The following GIT2 variants were observed in gnomAD, a reference collection of about 807,000 sequenced individuals.
GIT2 encodes GIT ArfGAP 2.
A neutral mutation model predicts 100.3 loss-of-function variants in GIT2; 32 were observed. That is an observed-to-expected ratio of 0.32 (90% CI 0.24 to 0.43). GIT2 has a LOEUF of 0.43. Among genes scored for constraint, GIT2 ranks in the 20% least tolerant of loss-of-function variants. GIT2 has a pLI of 1.00. For missense variants in GIT2, 737 were observed against 975.1 expected (o/e 0.76, Z 3.25); for synonymous variants, 353 against 364.1 (o/e 0.97, Z 0.35).
Position 109,989,077 on chromosome 12 carries a change from A to G in GIT2, c.300-9T>C. On this transcript the variant is annotated splice_polypyrimidine_tract_variant and intron_variant, in intron 3 of 19. Coordinates refer to ENST00000355312, the MANE Select transcript of GIT2 (RefSeq NM_057169.5). Reference sequence around the variant, plus strand: ...ATTCCGCTTTATTGGGACTGGTTCAAAAACAAAAAAGAAAACAGTTCACTC... The same window carrying G: ...ATTCCGCTTTATTGGGACTGGTTCAGAAACAAAAAAGAAAACAGTTCACTC... 1 of 1,546,462 alleles carries G rather than the reference A, an allele frequency of 6.5e-7. No individual in the cohort carries two copies. Among genetic ancestry groups the G allele is most frequent in the Non-Finnish European group, 8.9e-7 (1 of 1,118,342 alleles).
intron 7 of GIT2, among the ~76,000 whole-genome samples, chr12:109,980,620 A>C (rs1886133693): frequency 6.6e-6 from 1 of 152,138 alleles, no homozygotes; most frequent in African/African-American, 2.4e-5. Flanking sequence ...AAATAACTAC[A>C]AAGGTTATTG....
chr12:109,943,824 T>A (rs1875502697), intron 16 of GIT2, among the ~76,000 whole-genome samples: 1 of 152,006 alleles, frequency 6.6e-6, no homozygotes, highest in Non-Finnish European at 1.5e-5. Context: ...CCCAAGCACC[T>A]GGGACTACAG....
chr12:109,949,081 C>T lies in GIT2; in HGVS notation c.1393-1577G>A, dbSNP rs1420255772. Reference sequence around the variant, plus strand: ...CAAGCCATTACAGAATGATAGAATGCTTTTATATCACAAAGGCTGGCAGGG... The same window carrying T: ...CAAGCCATTACAGAATGATAGAATGTTTTTATATCACAAAGGCTGGCAGGG... On this transcript the variant is annotated intron_variant, in intron 14 of 19. Coordinates refer to ENST00000355312, the MANE Select transcript of GIT2 (RefSeq NM_057169.5). The T allele has an allele frequency of 4.2e-5, 23 of 543,066 alleles. No homozygotes were observed. The East Asian group carries it at 7.1e-4, about 17-fold the overall frequency. The allele number at this position is 543,066 out of a possible 1,614,324, so 33.6% of individuals were successfully genotyped here. A position where few individuals can be genotyped will look rare whatever the true frequency, so the allele number is the denominator to read the frequency against.
chr12:109,966,508 C>CAAAAAAAAAAA (rs749586402), intron 8 of GIT2, among the ~76,000 whole-genome samples: 6 of 70,188 alleles, frequency 8.5e-5, no homozygotes, highest in South Asian at 5.9e-4. Flanking sequence ...GACTCTGTCT[C>CAAAAAAAAAAA]AAAAAAAAAA....
At position 109,965,558 on chromosome 12, in the gene GIT2, A is replaced by G. The variant is rs570446364; in HGVS notation, c.784T>C (p.Leu262=). ...AGTTTCTTCTTAGCAGCTTTTGCCA[A>G]TTCAGACAAATCCAGGCTGCTAAGA... ...MADSSLDLSE[L]AKAAKKKLQS... Residue 262 remains leucine, a synonymous_variant, in exon 9 of 20, where the codon TTG becomes CTG. Transcript: ENST00000355312. The G allele has an allele frequency of 3.7e-5, 59 of 1,598,052 alleles. No homozygotes were observed. The South Asian group carries it at 5.3e-4, about 14-fold the overall frequency.
At chr12:109,978,040 G>C (rs1406585139) in intron 7 of GIT2, among the ~76,000 whole-genome samples, 1 of 143,498 alleles carries the variant, frequency 7.0e-6, no homozygotes, top group African/African-American at 2.6e-5. Context: ...TAAGTTTCTT[G>C]AATCTGTAAG....
rs1876775834 is a variant in GIT2, at chr12:109,947,893, C to G, written c.1393-389G>C. The G allele has an allele frequency of 5.7e-6, 1 of 174,236 alleles. No homozygotes were observed. The highest frequency in any genetic ancestry group is 1.3e-4 in the South Asian group (1 of 7,464). The allele number at this position is 174,236 out of a possible 1,614,324, so 10.8% of individuals were successfully genotyped here. On this transcript the variant is annotated intron_variant, in intron 14 of 19. Coordinates refer to ENST00000355312, the MANE Select transcript of GIT2 (RefSeq NM_057169.5). This position sits in a 1 kb window ranked among gnomAD's most constrained non-coding sequence, Gnocchi z 4.3. ...GATCATTAAAACATCATTTAGGTAA[C>G]TTGCTTTTCAAATGAGCCCTGAGCA...
chr12:109,966,300 G>A (rs1882373221), intron 8 of GIT2, among the ~76,000 whole-genome samples: 2 of 150,394 alleles, frequency 1.3e-5, no homozygotes, highest in African/African-American at 2.4e-5. Flanking sequence ...GCGAGGTCAG[G>A]GGTTTGAGAC....
At chr12:109,986,199 C>T (rs770928058) in intron 4 of GIT2, among the ~76,000 whole-genome samples, 4 of 151,962 alleles carry the variant, frequency 2.6e-5, no homozygotes, top group Admixed American at 6.5e-5. Context: ...TCTGTGAAGC[C>T]AACATCAGCC....
In GIT2 at chr12:109,933,062, C is replaced by T. The variant is rs750638470; in HGVS notation, c.2196G>A (p.Thr732=). The change falls in exon 20 of 20, where the codon ACG becomes ACA. Residue 732 remains threonine, a synonymous_variant. Coordinates refer to ENST00000355312, the MANE Select transcript of GIT2 (RefSeq NM_057169.5). The surrounding 1 kb of genome is among the most constrained non-coding windows in gnomAD (Gnocchi z 4.5). ...CGTACGCACACTGGATGACCTGCTGCGTGACCAGCTGAACGTCTGTGGGTG... is the reference window on the plus strand; with the variant it reads ...CGTACGCACACTGGATGACCTGCTGTGTGACCAGCTGAACGTCTGTGGGTG... The part of the protein sequence containing the change: ...PGSPTDVQLV[T]QQVIQCAYDI... 12 of 1,613,492 alleles carry T rather than the reference C, an allele frequency of 7.4e-6. No homozygotes were observed. The highest frequency in any genetic ancestry group is 5.5e-5 in the South Asian group (5 of 91,086).
At chr12:109,946,910 T>C (rs1182095852) in intron 15 of GIT2, among the ~76,000 whole-genome samples, 3 of 152,182 alleles carry the variant, frequency 2.0e-5, no homozygotes, top group Non-Finnish European at 4.4e-5. Flanking sequence ...GAGTGAACTT[T>C]ATGATTTATT....
chr12:109,982,148 C>T (rs2136795105), intron 6 of GIT2: 1 of 152,456 alleles, frequency 6.6e-6, no homozygotes, highest in South Asian at 2.1e-4. Flanking sequence ...TCTTTCCAGT[C>T]AGGTCTCCTG....
intron 8 of GIT2, 159 bp from the exon 9 acceptor site, chr12:109,965,736 A>C: frequency 1.3e-6 from 1 of 758,118 alleles, no homozygotes; most frequent in Non-Finnish European, 2.4e-6. Flanking sequence ...AGGAGCTCTA[A>C]ACAGAACAAT....
chr12:109,954,556 G>T (rs907020663), intron 12 of GIT2: 3 of 152,196 alleles, frequency 2.0e-5, no homozygotes, highest in Middle Eastern at 3.4e-3. Context: ...AGATGTTGAG[G>T]AAACAATGGA....
intron 14 of GIT2, among the ~76,000 whole-genome samples, chr12:109,949,828 T>C (rs760461210): frequency 1.1e-4 from 16 of 152,206 alleles, no homozygotes; most frequent in Non-Finnish European, 1.9e-4. Context: ...GTTTCAGAAA[T>C]AGTCACCTGG....
In GIT2 at chr12:109,960,030, G is replaced by T; in HGVS notation, c.988-72C>A. On this transcript the variant is annotated intron_variant, in intron 11 of 19. Coordinates refer to ENST00000355312, the MANE Select transcript of GIT2 (RefSeq NM_057169.5). ...ATACATAAATAGTCACATAAAACTA[G>T]TCAGACTATTGACAGACTTCTGCAA... 6.2e-6 allele frequency: 6 copies of T among 962,720 alleles called. No individual in the cohort carries two copies. The East Asian group carries it at 1.3e-4, about 20-fold the overall frequency. The allele number at this position is 962,720 out of a possible 1,614,324, so 59.6% of individuals were successfully genotyped here.
At chr12:109,935,074 G>A (rs1184464264) in intron 18 of GIT2, among the ~76,000 whole-genome samples, 24 of 149,040 alleles carry the variant, frequency 1.6e-4, no homozygotes, top group African/African-American at 5.4e-4. Context: ...GCGAGATTCC[G>A]TCTAAAAAAA....
At position 109,929,907 on chromosome 12, in the gene GIT2, AAAG is replaced by A. The variant is rs1871352286; in HGVS notation, c.*3068_*3070del. The A allele has an allele frequency of 6.6e-6, 1 of 152,654 alleles. No individual in the cohort carries two copies. Among genetic ancestry groups the A allele is most frequent in the Non-Finnish European group, 1.5e-5 (1 of 68,042 alleles). 9.5% of individuals were successfully genotyped at this position (152,654 alleles called of 1,614,324 possible). A position where few individuals can be genotyped will look rare whatever the true frequency, so the allele number is the denominator to read the frequency against. On this transcript the variant is annotated 3_prime_UTR_variant, in exon 20 of 20. Coordinates refer to ENST00000355312, the MANE Select transcript of GIT2 (RefSeq NM_057169.5). ...ATTACAGGAATAGAATGTACAATAAAAAGTACAGAATAATGAGTGACAGGGATC... is the reference window on the plus strand; with the variant it reads ...ATTACAGGAATAGAATGTACAATAAATACAGAATAATGAGTGACAGGGATC...
intron 7 of GIT2, among the ~76,000 whole-genome samples, chr12:109,969,830 G>C (rs1209604025): frequency 1.3e-5 from 2 of 151,072 alleles, no homozygotes; most frequent in Non-Finnish European, 3.0e-5. Context: ...ATCTCGGTTC[G>C]CTATAACCTC....
Sources: allele counts gnomAD v4.1 joint callset (sites outside exome capture counted in the v4.1 genomes callset), GRCh38; gene constraint gnomAD v4.1.1; non-coding constraint Gnocchi (gnomAD v3.1); transcripts MANE v1.5; gene names NCBI Gene and HGNC (gene_info 2026-07-23, HGNC 2026-07-21).